CDH13: variants seen among roughly 807,000 people sequenced by gnomAD.
CDH13 encodes cadherin-13.
A neutral mutation model predicts 63.8 loss-of-function variants in CDH13; 24 were observed. The observed-to-expected ratio is 0.38, with a 90% CI of 0.27 to 0.53. CDH13 has a LOEUF of 0.53. Ranked by LOEUF, CDH13 falls within the 20% of genes least tolerant of loss-of-function variation. The probability of loss-of-function intolerance (pLI) is 0.85; values close to 1 mark genes in which losing one functional copy is unlikely to be tolerated. For synonymous variants in CDH13, 503 were observed against 355.3 expected (o/e 1.42, Z -4.67); for missense variants, 1,049 against 903.1 (o/e 1.16, Z -2.07).
intron 1 of CDH13, among the ~76,000 whole-genome samples, chr16:82,810,688 C>T (rs2037398945): frequency 1.3e-5 from 2 of 152,130 alleles, no homozygotes. Context: ...TTTTCAAGTA[C>T]ATGGGATTGG....
At chr16:83,679,212 G>C (rs1268288823) in intron 10 of CDH13, among the ~76,000 whole-genome samples, 1 of 152,130 alleles carries the variant, frequency 6.6e-6, no homozygotes, top group African/African-American at 2.4e-5. Flanking sequence ...ATCCACCCGT[G>C]GTGCATCTAA....
At chr16:83,327,118 A>G (rs867874565) in intron 5 of CDH13, among the ~76,000 whole-genome samples, 20 of 152,334 alleles carry the variant, frequency 1.3e-4, no homozygotes, top group Middle Eastern at 3.4e-3. Flanking sequence ...GACAGATGGA[A>G]TCACTTCAGT....
intron 5 of CDH13, among the ~76,000 whole-genome samples, chr16:83,342,504 C>T (rs1778571656): frequency 6.6e-6 from 1 of 152,146 alleles, no homozygotes; most frequent in Non-Finnish European, 1.5e-5. Flanking sequence ...ATATTATTGT[C>T]CTCTGAAAAG....
chr16:82,956,293 C>T (rs1906084537), intron 2 of CDH13, among the ~76,000 whole-genome samples: 1 of 152,150 alleles, frequency 6.6e-6, no homozygotes, highest in Non-Finnish European at 1.5e-5. Flanking sequence ...TCCTCATCTT[C>T]ATCCTAGATC....
chr16:83,349,129 A>C (rs964944244), intron 6 of CDH13, among the ~76,000 whole-genome samples: 2 of 152,212 alleles, frequency 1.3e-5, no homozygotes, highest in African/African-American at 4.8e-5. Flanking sequence ...TCCTGGATGA[A>C]GGAAGATCAG....
intron 5 of CDH13, among the ~76,000 whole-genome samples, chr16:83,292,757 A>G (rs142624186): frequency 6.6e-6 from 1 of 152,344 alleles, no homozygotes; most frequent in African/African-American, 2.4e-5. Flanking sequence ...GGGTATGTTC[A>G]GAAAATCAGT....
intron 5 of CDH13, among the ~76,000 whole-genome samples, chr16:83,315,695 T>A (rs1224788956): frequency 6.6e-6 from 1 of 152,096 alleles, no homozygotes; most frequent in Non-Finnish European, 1.5e-5. Flanking sequence ...GTGTTCTCGC[T>A]ATCTTGGAGT....
At chr16:83,546,459 T>C (rs538540749) in intron 7 of CDH13, among the ~76,000 whole-genome samples, 2 of 151,214 alleles carry the variant, frequency 1.3e-5, no homozygotes, top group East Asian at 3.9e-4. Context: ...AAGAAGAAAA[T>C]AGCTATTGCT....
At chr16:83,593,989 G>A (rs112092400) in intron 7 of CDH13, among the ~76,000 whole-genome samples, 1 of 152,316 alleles carries the variant, frequency 6.6e-6, no homozygotes, top group African/African-American at 2.4e-5. Context: ...CAGTTTCCCT[G>A]CTCAGGAATC....
intron 4 of CDH13, among the ~76,000 whole-genome samples, chr16:83,128,051 C>G (rs556849400): frequency 2.6e-5 from 4 of 152,266 alleles, no homozygotes; most frequent in Admixed American, 6.5e-5. Context: ...TTCTGAGACT[C>G]AAGATGCATT....
chr16:83,669,596 C>G (rs927808248), intron 8 of CDH13, among the ~76,000 whole-genome samples: 1 of 152,168 alleles, frequency 6.6e-6, no homozygotes, highest in Non-Finnish European at 1.5e-5. Context: ...TGGAAGACAA[C>G]TCGCCCAGGT....
chr16:83,594,281 T>G (rs1418680141), intron 7 of CDH13, among the ~76,000 whole-genome samples: 2 of 152,224 alleles, frequency 1.3e-5, no homozygotes, highest in Non-Finnish European at 2.9e-5. Context: ...TATTCAGCAC[T>G]TTACCTCTTT....
chr16:83,536,502 G>A lies in CDH13; in HGVS notation c.960+49847G>A, dbSNP rs545597148. 9.2e-5 allele frequency among the ~76,000 whole-genome samples: 14 copies of A among 152,292 alleles called. No individual in the cohort carries two copies. In the South Asian group the frequency reaches 2.9e-3, roughly 32 times the overall value. On this transcript the variant is annotated intron_variant, in intron 7 of 13. Coordinates refer to ENST00000567109, the MANE Select transcript of CDH13 (RefSeq NM_001257.5). The stretch of plus-strand genomic sequence containing the variant: ...AGGTCCTGTGGCCAGTGGGAATGCA[G>A]TGAGTGTGGGTGTAGATAAGGCTGG...
intron 1 of CDH13, among the ~76,000 whole-genome samples, chr16:82,753,098 A>G (rs1461648866): frequency 1.3e-5 from 2 of 152,188 alleles, no homozygotes. Context: ...AAATTTCAAA[A>G]GTGACCTCTT....
intron 1 of CDH13, among the ~76,000 whole-genome samples, chr16:82,666,211 A>G (rs117985148): frequency 0.016 from 2,507 of 152,258 alleles, 40 homozygotes; most frequent in Non-Finnish European, 0.027. Context: ...TTAGGTGTTT[A>G]TTCATCTTTC....
intron 6 of CDH13, among the ~76,000 whole-genome samples, chr16:83,431,102 A>G (rs2072089124): frequency 6.6e-6 from 1 of 151,900 alleles, no homozygotes; most frequent in Non-Finnish European, 1.5e-5. Context: ...TTTACTGAGA[A>G]TGATGATTTC....
intron 1 of CDH13, among the ~76,000 whole-genome samples, chr16:82,689,214 G>A (rs1915391651): frequency 6.7e-6 from 1 of 148,936 alleles, no homozygotes; most frequent in Non-Finnish European, 1.5e-5. Flanking sequence ...CTGTGCAGTT[G>A]ACATTACTTG....
intron 6 of CDH13, among the ~76,000 whole-genome samples, chr16:83,349,007 T>C (rs1000880613): frequency 4.6e-5 from 7 of 152,190 alleles, no homozygotes; most frequent in Non-Finnish European, 4.4e-5. Flanking sequence ...TCGAATGCCC[T>C]CGGCACCAAT....
chr16:82,958,517 C>T (rs558189714), intron 2 of CDH13, among the ~76,000 whole-genome samples: 1 of 152,190 alleles, frequency 6.6e-6, no homozygotes, highest in African/African-American at 2.4e-5. Flanking sequence ...AATGGTTCAC[C>T]AAGATGGAAA....
Sources: gnomAD v4.1 joint callset for allele counts (sites outside exome capture counted in the v4.1 genomes callset) on GRCh38, gnomAD v4.1.1 for gene constraint, MANE v1.5 for transcripts, NCBI Gene and HGNC (gene_info 2026-07-23, HGNC 2026-07-21) for gene names.